The following GALNT13 variants were observed in gnomAD, a reference collection of about 807,000 sequenced individuals.
GALNT13 encodes UDP-GalNAc:polypeptide N-acetylgalactosaminyltransferase 13.
A neutral mutation model predicts 64.2 loss-of-function variants in GALNT13; 28 were observed. The observed-to-expected ratio is 0.44, with a 90% CI of 0.32 to 0.60. The LOEUF is 0.60. Ranked by LOEUF, GALNT13 falls within the 20% of genes least tolerant of loss-of-function variation. GALNT13 has a pLI of 0.05. For synonymous variants in GALNT13, 214 were observed against 224.6 expected, an observed-to-expected ratio of 0.95 and a Z score of 0.42; for missense variants, 577 against 669.8, an observed-to-expected ratio of 0.86 and a Z score of 1.53.
the GALNT13 span, among the ~76,000 whole-genome samples, chr2:153,241,528 A>C: frequency 1.3e-5 from 2 of 152,242 alleles, no homozygotes; most frequent in Non-Finnish European, 2.9e-5. Context: ...CTCCATAGCT[A>C]TGGCACAGTG....
At chr2:153,454,973 T>C in the GALNT13 span, among the ~76,000 whole-genome samples, 1 of 152,214 alleles carries the variant, frequency 6.6e-6, no homozygotes, top group African/African-American at 2.4e-5. Context: ...TGTAGTATGG[T>C]TGCATTTATA....
the GALNT13 span, among the ~76,000 whole-genome samples, chr2:153,418,604 A>G: frequency 0.01 from 1,554 of 152,328 alleles, 20 homozygotes; most frequent in African/African-American, 0.033. Flanking sequence ...AGAAATGAAC[A>G]TTGTTTTTAG....
chr2:154,308,428 A>G (rs1693857936), intron 9 of GALNT13, among the ~76,000 whole-genome samples: 2 of 152,092 alleles, frequency 1.3e-5, no homozygotes, highest in Non-Finnish European at 2.9e-5. Flanking sequence ...TGACATGCTG[A>G]TATTTTGAAA....
chr2:154,015,854 T>C (rs1371154053), intron 3 of GALNT13, among the ~76,000 whole-genome samples: 1 of 152,192 alleles, frequency 6.6e-6, no homozygotes, highest in African/African-American at 2.4e-5. Flanking sequence ...AATTTTAAAA[T>C]TATATTTATC....
At chr2:153,731,008 G>A in the GALNT13 span, among the ~76,000 whole-genome samples, 3 of 151,658 alleles carry the variant, frequency 2.0e-5, no homozygotes, top group Admixed American at 2.0e-4. Flanking sequence ...CAATAGCAAA[G>A]TCATGAAGTC....
rs1699612454 is a variant in GALNT13, at chr2:154,051,456, A to G, written c.143-88881A>G. ...CAGGCGCCCGCCACCGCGCCCGGCTAATTTTTTGTATTTTTAGTAGAGACG... is the reference window on the plus strand; with the variant it reads ...CAGGCGCCCGCCACCGCGCCCGGCTGATTTTTTGTATTTTTAGTAGAGACG... On this transcript the variant is annotated intron_variant, in intron 3 of 12. Coordinates refer to ENST00000392825, the MANE Select transcript of GALNT13 (RefSeq NM_052917.4). Among the ~76,000 whole-genome samples the G allele has an allele frequency of 2.0e-5, 3 of 150,836 alleles. No individual in the cohort carries two copies. The South Asian group carries it at 6.3e-4, about 32-fold the overall frequency.
the GALNT13 span, among the ~76,000 whole-genome samples, chr2:153,818,657 C>A: frequency 6.6e-6 from 1 of 152,180 alleles, no homozygotes; most frequent in African/African-American, 2.4e-5. Flanking sequence ...TTGGCACCTC[C>A]TTTGTGTGCC....
At chr2:153,437,660 T>TG in the GALNT13 span, among the ~76,000 whole-genome samples, 95 of 152,204 alleles carry the variant, frequency 6.2e-4, no homozygotes, top group Non-Finnish European at 1.1e-3. Flanking sequence ...CCTGCTTTTT[T>TG]TTGTTTTCCA....
chr2:153,102,968 A>C, the GALNT13 span, among the ~76,000 whole-genome samples: 2,251 of 152,204 alleles, frequency 0.015, 68 homozygotes, highest in African/African-American at 0.052. Context: ...GGCAAGAGGA[A>C]AGGCATGTTT....
chr2:154,334,585 G>T (rs17811007), intron 9 of GALNT13, among the ~76,000 whole-genome samples: 10,156 of 147,568 alleles, frequency 0.069, 400 homozygotes, highest in African/African-American at 0.092. Flanking sequence ...CCACTTATTT[G>T]CTTGCATCAG....
At chr2:153,307,555 T>G in the GALNT13 span, among the ~76,000 whole-genome samples, 1 of 152,106 alleles carries the variant, frequency 6.6e-6, no homozygotes, top group Admixed American at 6.5e-5. Flanking sequence ...TTATGTGTAT[T>G]TAGTCACAAT....
the GALNT13 span, among the ~76,000 whole-genome samples, chr2:153,612,110 C>G: frequency 1.8e-4 from 27 of 152,026 alleles, no homozygotes; most frequent in African/African-American, 5.8e-4. Context: ...ATATCATTGA[C>G]GGGCATTTGG....
At chr2:153,549,933 T>G in the GALNT13 span, among the ~76,000 whole-genome samples, 28 of 152,320 alleles carry the variant, frequency 1.8e-4, no homozygotes, top group East Asian at 5.4e-3. Flanking sequence ...TTGAAGATCT[T>G]TCTAGCTTGG....
the GALNT13 span, among the ~76,000 whole-genome samples, chr2:153,531,797 G>T: frequency 6.6e-6 from 1 of 152,142 alleles, no homozygotes; most frequent in African/African-American, 2.4e-5. Flanking sequence ...TTGACCAAAA[G>T]AAAAAGGCTA....
the GALNT13 span, among the ~76,000 whole-genome samples, chr2:153,293,761 T>G: frequency 7.6e-5 from 8 of 104,810 alleles, no homozygotes; most frequent in East Asian, 7.0e-4. Context: ...TTTTTTCTGT[T>G]TGTGTGTGTG....
At chr2:153,800,476 T>C in the GALNT13 span, among the ~76,000 whole-genome samples, 7 of 152,242 alleles carry the variant, frequency 4.6e-5, no homozygotes, top group African/African-American at 1.7e-4. Context: ...GCCATATGGA[T>C]TGATGCTTTA....
chr2:153,162,785 TCAGTTCTGAC>T, the GALNT13 span, among the ~76,000 whole-genome samples: 2 of 152,194 alleles, frequency 1.3e-5, no homozygotes, highest in Admixed American at 1.3e-4. Context: ...TATAAGTTGA[TCAGTTCTGAC>T]CATGAGATTC....
At chr2:154,160,096 C>A (rs1345130527) in intron 4 of GALNT13, among the ~76,000 whole-genome samples, 1 of 152,126 alleles carries the variant, frequency 6.6e-6, no homozygotes, top group Non-Finnish European at 1.5e-5. Flanking sequence ...CTCTTCCCAG[C>A]CTTTATTTGA....
At chr2:154,431,275 TCTTA>T (rs1414150408) in intron 11 of GALNT13, among the ~76,000 whole-genome samples, 43 of 152,350 alleles carry the variant, frequency 2.8e-4, no homozygotes, top group African/African-American at 1.0e-3. Flanking sequence ...GCCTTTGCTT[TCTTA>T]CTTTGTAACG....
Sources: allele counts gnomAD v4.1 joint callset (sites outside exome capture counted in the v4.1 genomes callset), GRCh38; gene constraint gnomAD v4.1.1; transcripts MANE v1.5; gene names NCBI Gene and HGNC (gene_info 2026-07-23, HGNC 2026-07-21).